The following CRIPTO variants were observed in gnomAD, a reference collection of about 807,000 sequenced individuals.
The protein encoded by CRIPTO is protein Cripto.
chr3:46,580,281 G>C, the CRIPTO span, among the ~76,000 whole-genome samples: 1 of 152,170 alleles, frequency 6.6e-6, no homozygotes, highest in Admixed American at 6.5e-5. Flanking sequence ...CTTTCAGATA[G>C]AGATGTATTT....
chr3:46,579,827 G>A, the CRIPTO span: 31 of 1,614,022 alleles, frequency 1.9e-5, 1 homozygote, highest in Non-Finnish European at 1.5e-5. Context: ...TCTACGGACG[G>A]AACTGTGAGC....
chr3:46,580,296 T>C, the CRIPTO span, among the ~76,000 whole-genome samples: 1 of 152,308 alleles, frequency 6.6e-6, no homozygotes, highest in Admixed American at 6.5e-5. Context: ...GTATTTCAAG[T>C]CTATTTGACA....
chr3:46,577,621 T>G, the CRIPTO span: 1 of 388,226 alleles, frequency 2.6e-6, no homozygotes, highest in Non-Finnish European at 4.7e-6. Context: ...AACCACAGTT[T>G]TACAAGACTC....
the CRIPTO span, chr3:46,579,104 G>T: frequency 1.9e-6 from 3 of 1,614,116 alleles, no homozygotes; most frequent in Non-Finnish European, 1.7e-6. Context: ...GTGTGATTTG[G>T]ATCATGGCCA....
the CRIPTO span, chr3:46,578,017 C>G: frequency 6.2e-7 from 1 of 1,613,978 alleles, no homozygotes; most frequent in African/African-American, 1.3e-5. Flanking sequence ...ATGAGCTAAT[C>G]TTGAATGTGA....
At chr3:46,579,137 A>T in the CRIPTO span, 2 of 1,614,106 alleles carry the variant, frequency 1.2e-6, no homozygotes, top group Non-Finnish European at 1.7e-6. Flanking sequence ...TTGAACTGGG[A>T]TTAGTTGCCG....
At chr3:46,581,086 C>A in the CRIPTO span, 1 of 1,422,254 alleles carries the variant, frequency 7.0e-7, no homozygotes, top group Non-Finnish European at 9.9e-7. Context: ...GCAGGATGAA[C>A]TGCCAGAGAG....
the CRIPTO span, among the ~76,000 whole-genome samples, chr3:46,578,666 T>C: frequency 4.6e-5 from 7 of 152,094 alleles, no homozygotes; most frequent in African/African-American, 1.4e-4. Flanking sequence ...GATCGCACCA[T>C]TGCACTCCAG....
At chr3:46,577,885 A>G in the CRIPTO span, 1 of 1,397,188 alleles carries the variant, frequency 7.2e-7, no homozygotes, top group Non-Finnish European at 1.0e-6. Flanking sequence ...GCTTTAGGAG[A>G]TGAATGTTTT....
chr3:46,581,473 G>C, the CRIPTO span: 1 of 608,290 alleles, frequency 1.6e-6, no homozygotes, highest in South Asian at 2.0e-5. Flanking sequence ...TCAAAAGAAA[G>C]TCAGCCATAT....
At chr3:46,579,412 G>T in the CRIPTO span, 1 of 1,613,816 alleles carries the variant, frequency 6.2e-7, no homozygotes, top group Non-Finnish European at 8.5e-7. Flanking sequence ...CCCTTCATGT[G>T]TCTCCTGAGT....
the CRIPTO span, chr3:46,579,340 G>T: frequency 6.2e-7 from 1 of 1,614,118 alleles, no homozygotes; most frequent in Non-Finnish European, 8.5e-7. Context: ...TCTTCCCAGC[G>T]TGTGCCGCCC....
At chr3:46,579,610 C>T in the CRIPTO span, 1 of 1,247,846 alleles carries the variant, frequency 8.0e-7, no homozygotes, top group South Asian at 1.2e-5. Context: ...ATGAAAATGA[C>T]TTCTCTGCTC....
the CRIPTO span, among the ~76,000 whole-genome samples, chr3:46,576,475 T>A: frequency 4.2e-3 from 358 of 84,582 alleles, 3 homozygotes; most frequent in African/African-American, 0.018. Flanking sequence ...AGGGAGACTC[T>A]GTCGCAAAAA....
At chr3:46,582,123 G>A in the CRIPTO span, 1 of 152,160 alleles carries the variant, frequency 6.6e-6, no homozygotes, top group African/African-American at 2.4e-5. Flanking sequence ...TGATTAGGTG[G>A]TGGTAGAGAA....
chr3:46,575,926 C>A, the CRIPTO span, among the ~76,000 whole-genome samples: 10 of 152,334 alleles, frequency 6.6e-5, no homozygotes, highest in African/African-American at 9.6e-5. Context: ...CCAGGGCTAG[C>A]CTTCTCCTTT....
At chr3:46,581,506 GT>G in the CRIPTO span, 1 of 561,028 alleles carries the variant, frequency 1.8e-6, no homozygotes, top group Non-Finnish European at 3.1e-6. Context: ...TAAGTCCAGT[GT>G]TTCTTTTTTT....
At chr3:46,578,366 CA>C in the CRIPTO span, among the ~76,000 whole-genome samples, 67,998 of 137,932 alleles carry the variant, frequency 0.49, 16,140 homozygotes, top group East Asian at 0.61. Context: ...AAGATAATAG[CA>C]AAAAAAAAAA....
chr3:46,575,904 C>T, the CRIPTO span, among the ~76,000 whole-genome samples: 5 of 152,202 alleles, frequency 3.3e-5, no homozygotes, highest in Non-Finnish European at 5.9e-5. Context: ...ATCTTTAAAC[C>T]TCCTTGCAGC....
Sources: allele counts gnomAD v4.1 joint callset (sites outside exome capture counted in the v4.1 genomes callset), GRCh38; gene constraint gnomAD v4.1.1; transcripts MANE v1.5; gene names NCBI Gene and HGNC (gene_info 2026-07-23, HGNC 2026-07-21).